SUMO2: variants seen among roughly 807,000 people sequenced by gnomAD.
The protein encoded by SUMO2 is small ubiquitin like modifier 2.
Under a neutral mutation model 16.0 loss-of-function variants are expected in SUMO2, and 1 was observed. That is an observed-to-expected ratio of 0.06 (90% CI 0.02 to 0.30). The LOEUF is 0.30. SUMO2 is among the 10% of genes least tolerant of loss of function. SUMO2 has a pLI of 1.00. For missense variants in SUMO2, 16 were observed against 117.5 expected, an observed-to-expected ratio of 0.14 and a Z score of 3.99; for synonymous variants, 36 against 40.6, an observed-to-expected ratio of 0.89 and a Z score of 0.43.
rs960178997 is a variant in SUMO2, at chr17:75,166,032, A to AG, written c.*2306_*2307insC. On this transcript the variant is annotated 3_prime_UTR_variant, in exon 4 of 4. Coordinates refer to ENST00000420826, the MANE Select transcript of SUMO2 (RefSeq NM_006937.4). Reference sequence around the variant, plus strand: ...CAGAGCAAGACTCCGTCTGAAAAAAAAACAAAAACAAAAACAAAAACTGTA... The same window carrying AG: ...CAGAGCAAGACTCCGTCTGAAAAAAAGAACAAAAACAAAAACAAAAACTGTA... 2.0e-5 allele frequency: 3 copies of AG among 148,084 alleles called. No individual in the cohort carries two copies. The highest frequency in any genetic ancestry group is 3.1e-5 in the Non-Finnish European group (2 of 65,306). The allele number at this position is 148,084 out of a possible 1,614,324, so 9.2% of individuals were successfully genotyped here. A position where few individuals can be genotyped will look rare whatever the true frequency, so the allele number is the denominator to read the frequency against.
Position 75,182,926 on chromosome 17 carries a change from A to AAGAAGGAGGCGGCAGC in SUMO2, c.-108_-93dup, listed in dbSNP as rs2074841847. ...ACACAAGCAGCACCAGGAGCGGCAG[A>AAGAAGGAGGCGGCAGC]AGAAGGAGGCGGCAGCGGTGGACGA... On this transcript the variant is annotated 5_prime_UTR_variant, in exon 1 of 4. Transcript: ENST00000420826. 2 of 1,139,140 alleles carry AAGAAGGAGGCGGCAGC rather than the reference A, an allele frequency of 1.8e-6. No individual in the cohort carries two copies. Among genetic ancestry groups the AAGAAGGAGGCGGCAGC allele is most frequent in the Admixed American group, 4.2e-5 (1 of 24,000 alleles). The allele number at this position is 1,139,140 out of a possible 1,614,324, so 70.6% of individuals were successfully genotyped here.
At position 75,165,726 on chromosome 17, in the gene SUMO2, T is replaced by A. The variant is rs1218107995; in HGVS notation, c.*2613A>T. The stretch of plus-strand genomic sequence containing the variant: ...TTTTCTGGAACTTGGCTTTCTCATC[T>A]ATAAAATGGCAGTGAGGCCGGGCGC... On this transcript the variant is annotated 3_prime_UTR_variant, in exon 4 of 4. Transcript: ENST00000420826. 6.6e-6 allele frequency: 1 copy of A among 151,476 alleles called. No individual in the cohort carries two copies. The highest frequency in any genetic ancestry group is 1.5e-5 in the Non-Finnish European group (1 of 67,778). 9.4% of individuals were successfully genotyped at this position (151,476 alleles called of 1,614,324 possible). A position where few individuals can be genotyped will look rare whatever the true frequency, so the allele number is the denominator to read the frequency against.
chr17:75,182,920 C>A lies in SUMO2; in HGVS notation c.-86G>T, dbSNP rs1042558934. On this transcript the variant is annotated 5_prime_UTR_variant, in exon 1 of 4. Transcript: ENST00000420826. ...ACGAGCACACAAGCAGCACCAGGAG[C>A]GGCAGAAGAAGGAGGCGGCAGCGGT... The A allele has an allele frequency of 5.1e-6, 6 of 1,187,032 alleles. No homozygotes were observed. The highest frequency in any genetic ancestry group is 5.4e-6 in the Non-Finnish European group (5 of 925,656). 73.5% of individuals were successfully genotyped at this position (1,187,032 alleles called of 1,614,324 possible). A position where few individuals can be genotyped will look rare whatever the true frequency, so the allele number is the denominator to read the frequency against.
chr17:75,172,048 C>T (rs1044075877), intron 3 of SUMO2, among the ~76,000 whole-genome samples: 1 of 151,008 alleles, frequency 6.6e-6, no homozygotes, highest in Non-Finnish European at 1.5e-5. Flanking sequence ...ACTCTTTCAC[C>T]CAAGCTAGAG....
At chr17:75,182,532 C>G (rs1473882531) in intron 1 of SUMO2, 5 of 260,608 alleles carry the variant, frequency 1.9e-5, no homozygotes, top group African/African-American at 1.1e-4. Flanking sequence ...CCGTTCGGGG[C>G]TGGTGGGTCC....
chr17:75,179,716 G>A (rs1278258619), intron 2 of SUMO2, among the ~76,000 whole-genome samples: 1 of 150,982 alleles, frequency 6.6e-6, no homozygotes, highest in Non-Finnish European at 1.5e-5. Flanking sequence ...CTAGAGTGCA[G>A]TGGTGTGATC....
At chr17:75,169,674 C>A (rs1004419078) in intron 3 of SUMO2, among the ~76,000 whole-genome samples, 8 of 152,032 alleles carry the variant, frequency 5.3e-5, no homozygotes, top group African/African-American at 1.9e-4. Flanking sequence ...TGAACCACTG[C>A]ACCCGGCCTA....
intron 3 of SUMO2, among the ~76,000 whole-genome samples, chr17:75,172,074 T>C (rs977901266): frequency 1.3e-4 from 19 of 151,056 alleles, no homozygotes; most frequent in African/African-American, 4.6e-4. Context: ...TGGCATGACC[T>C]CCGCGCTCAC....
At chr17:75,169,385 ATT>A (rs746519441) in intron 3 of SUMO2, among the ~76,000 whole-genome samples, 4 of 141,824 alleles carry the variant, frequency 2.8e-5, no homozygotes, top group Non-Finnish European at 3.1e-5. Context: ...TTAAAAAAAA[ATT>A]TTTTTTTTTT....
chr17:75,168,912 A>G (rs1391753575), intron 3 of SUMO2, among the ~76,000 whole-genome samples: 1 of 151,934 alleles, frequency 6.6e-6, no homozygotes, highest in African/African-American at 2.4e-5. Flanking sequence ...GCCAAAACTT[A>G]GTTTTTGAGT....
intron 3 of SUMO2, among the ~76,000 whole-genome samples, chr17:75,172,078 C>T (rs938448851): frequency 2.6e-5 from 4 of 151,220 alleles, no homozygotes; most frequent in Admixed American, 6.6e-5. Flanking sequence ...ATGACCTCCG[C>T]GCTCACTGCA....
chr17:75,168,614 G>GT (rs371365057), intron 3 of SUMO2, among the ~76,000 whole-genome samples: 5,828 of 146,504 alleles, frequency 0.04, 160 homozygotes, highest in Non-Finnish European at 0.059. Context: ...AAACTTTTTT[G>GT]TTTTTTTTTT....
chr17:75,169,899 A>C (rs898216119), intron 3 of SUMO2, among the ~76,000 whole-genome samples: 3 of 150,990 alleles, frequency 2.0e-5, no homozygotes, highest in African/African-American at 7.3e-5. Flanking sequence ...TCACACCTGT[A>C]ATCTCAACAC....
rs570132558 is a variant in SUMO2 at position 75,181,364 on chromosome 17, G to C, written c.22-176C>G. On this transcript the variant is annotated intron_variant, in intron 1 of 3. Coordinates refer to ENST00000420826, the MANE Select transcript of SUMO2 (RefSeq NM_006937.4). ...AATGTGAAAGCGGAAAAATCCTGCA[G>C]TAACAGTATTAGATAGCTGTCAGAT... Among the ~76,000 whole-genome samples, 511 of 152,224 alleles carry C rather than the reference G, an allele frequency of 3.4e-3. 1 individual carries two copies. Among genetic ancestry groups the C allele is most frequent in the African/African-American group, 0.012 (481 of 41,524 alleles).
intron 2 of SUMO2, among the ~76,000 whole-genome samples, chr17:75,176,964 C>T (rs2074787371): frequency 6.6e-6 from 1 of 151,618 alleles, no homozygotes; most frequent in Non-Finnish European, 1.5e-5. Context: ...TGGAAGATCA[C>T]CTGAGGTCAG....
intron 3 of SUMO2, among the ~76,000 whole-genome samples, chr17:75,172,478 C>G (rs1446480803): frequency 6.7e-6 from 1 of 150,008 alleles, no homozygotes; most frequent in African/African-American, 2.5e-5. Flanking sequence ...CACCATCATG[C>G]CTGGCTAAAT....
chr17:75,182,935 G>C lies in SUMO2; in HGVS notation c.-101C>G. On this transcript the variant is annotated 5_prime_UTR_variant, in exon 1 of 4. Transcript: ENST00000420826. Reference sequence around the variant, plus strand: ...GCACCAGGAGCGGCAGAAGAAGGAGGCGGCAGCGGTGGACGAGGGGAGAGG... The same window carrying C: ...GCACCAGGAGCGGCAGAAGAAGGAGCCGGCAGCGGTGGACGAGGGGAGAGG... The C allele has an allele frequency of 9.2e-7, 1 of 1,087,010 alleles. No homozygotes were observed. Among genetic ancestry groups the C allele is most frequent in the Non-Finnish European group, 1.2e-6 (1 of 837,876 alleles). 67.3% of individuals were successfully genotyped at this position (1,087,010 alleles called of 1,614,324 possible). A position where few individuals can be genotyped will look rare whatever the true frequency, so the allele number is the denominator to read the frequency against.
intron 3 of SUMO2, among the ~76,000 whole-genome samples, chr17:75,171,340 A>C (rs886791611): frequency 4.0e-5 from 6 of 151,858 alleles, no homozygotes; most frequent in Non-Finnish European, 8.8e-5. Flanking sequence ...TAAAAACAAC[A>C]TAAACAAATA....
intron 3 of SUMO2, among the ~76,000 whole-genome samples, chr17:75,172,794 A>C (rs964844783): frequency 1.3e-5 from 2 of 151,386 alleles, no homozygotes; most frequent in Admixed American, 1.3e-4. Flanking sequence ...TAATTTTTGT[A>C]TTTTTTGGCA....
Sources: allele counts gnomAD v4.1 joint callset (sites outside exome capture counted in the v4.1 genomes callset), GRCh38; gene constraint gnomAD v4.1.1; transcripts MANE v1.5; gene names NCBI Gene and HGNC (gene_info 2026-07-23, HGNC 2026-07-21).